Variants in SLC25A33 observed in about 807,000 individuals in gnomAD.
SLC25A33 encodes bone marrow stromal cell mitochondrial carrier protein.
In SLC25A33, 15 loss-of-function variants were observed where a neutral mutation model predicts 35.5. That is an observed-to-expected ratio of 0.42 (90% CI 0.28 to 0.65). The LOEUF is 0.65. SLC25A33 is among the 30% of genes least tolerant of loss of function. The pLI, the probability that SLC25A33 is intolerant of heterozygous loss-of-function variation, is 0.20. For synonymous variants in SLC25A33, 136 were observed against 148.7 expected (o/e 0.91, Z 0.62); for missense variants, 257 against 398.5 (o/e 0.64, Z 3.02).
intron 2 of SLC25A33, among the ~76,000 whole-genome samples, chr1:9,558,991 C>G (rs1643382308): frequency 6.6e-6 from 1 of 152,164 alleles, no homozygotes; most frequent in South Asian, 2.1e-4. Flanking sequence ...CCTATTTTCC[C>G]CTTTGCCTCT....
chr1:9,553,203 G>GTT (rs550067186), intron 1 of SLC25A33, among the ~76,000 whole-genome samples: 1,356 of 56,568 alleles, frequency 0.024, 17 homozygotes, highest in South Asian at 0.042. Context: ...TTCTAGTTTT[G>GTT]TTTTTTTTTT....
At chr1:9,567,449 C>T (rs1049392208) in intron 3 of SLC25A33, 88 bp downstream of exon 3, 1 of 1,230,912 alleles carries the variant, frequency 8.1e-7, no homozygotes. Flanking sequence ...GCTGAATGAC[C>T]AGTGTCTTTT....
At chr1:9,555,282 T>C (rs1643324997) in intron 2 of SLC25A33, among the ~76,000 whole-genome samples, 1 of 151,896 alleles carries the variant, frequency 6.6e-6, no homozygotes, top group Non-Finnish European at 1.5e-5. Context: ...CACACCCAGC[T>C]AATTTTTTTG....
intron 2 of SLC25A33, among the ~76,000 whole-genome samples, chr1:9,561,745 G>A (rs1238283202): frequency 5.3e-5 from 8 of 152,094 alleles, no homozygotes; most frequent in Non-Finnish European, 8.8e-5. Context: ...CCTTAATTGT[G>A]TTTAAATGAC....
intron 2 of SLC25A33, among the ~76,000 whole-genome samples, chr1:9,557,339 G>C (rs1334052772): frequency 6.6e-6 from 1 of 152,124 alleles, no homozygotes; most frequent in Non-Finnish European, 1.5e-5. Context: ...TTTGTAAAGT[G>C]GCACTTTTCA....
intron 1 of SLC25A33, among the ~76,000 whole-genome samples, chr1:9,548,352 C>T (rs146120332): frequency 0.012 from 1,757 of 152,262 alleles, 32 homozygotes; most frequent in African/African-American, 0.039. Flanking sequence ...GAGGCCCAGG[C>T]GGGCGCATCT....
intron 2 of SLC25A33, among the ~76,000 whole-genome samples, chr1:9,561,769 C>T (rs1170796293): frequency 1.3e-5 from 2 of 152,010 alleles, no homozygotes; most frequent in African/African-American, 4.8e-5. Context: ...TGAAGCTGAA[C>T]AGGGTACATT....
chr1:9,571,469 A>C (rs1183428441), intron 4 of SLC25A33, among the ~76,000 whole-genome samples: 2 of 150,718 alleles, frequency 1.3e-5, no homozygotes, highest in Non-Finnish European at 3.0e-5. Context: ...AATTTTTTGT[A>C]TTTTTAGTAG....
intron 1 of SLC25A33, 78 bp from the exon 2 acceptor site, chr1:9,553,546 AAG>A (rs1643299147): frequency 2.6e-6 from 4 of 1,533,702 alleles, no homozygotes; most frequent in African/African-American, 1.4e-5. Context: ...TCTAGTTTTA[AAG>A]AGAGAAAAGC....
At chr1:9,541,975 A>G (rs894906312) in intron 1 of SLC25A33, among the ~76,000 whole-genome samples, 1 of 151,740 alleles carries the variant, frequency 6.6e-6, no homozygotes, top group Non-Finnish European at 1.5e-5. Flanking sequence ...AATTTTGTAT[A>G]TTTTTAGTAG....
chr1:9,539,767 C>G lies in SLC25A33; in HGVS notation c.56+20C>G. ...CGGCGGGTGAGTTCCCGGGCCCAGC[C>G]GCGCGCGCCCCACCGCCTGCGGTCC... On this transcript the variant is annotated intron_variant, in intron 1 of 6. Transcript: ENST00000302692. The G allele has an allele frequency of 7.4e-7, 1 of 1,359,818 alleles. No individual in the cohort carries two copies. The highest frequency in any genetic ancestry group is 1.7e-5 in the South Asian group (1 of 59,338). The allele number at this position is 1,359,818 out of a possible 1,614,324, so 84.2% of individuals were successfully genotyped here.
intron 5 of SLC25A33, among the ~76,000 whole-genome samples, chr1:9,575,974 C>T (rs569655357): frequency 6.6e-6 from 1 of 152,314 alleles, no homozygotes; most frequent in African/African-American, 2.4e-5. Flanking sequence ...ATGCTGTCAC[C>T]TGTTGTGGAA....
chr1:9,552,910 CTTTTTTTTTTTT>C (rs58092940), intron 1 of SLC25A33, among the ~76,000 whole-genome samples: 17 of 94,190 alleles, frequency 1.8e-4, no homozygotes, highest in African/African-American at 6.9e-4. Flanking sequence ...GGGATTTCAA[CTTTTTTTTTTTT>C]TTTTTTTTTT....
At chr1:9,555,409 C>T (rs1424098227) in intron 2 of SLC25A33, among the ~76,000 whole-genome samples, 2 of 152,052 alleles carry the variant, frequency 1.3e-5, no homozygotes, top group Admixed American at 6.6e-5. Context: ...TGAGCCACCG[C>T]ACCCAGCCAC....
rs1643754859 is a variant in SLC25A33, at chr1:9,582,207, C to G, written c.764-92C>G. ...GGGATTACAGGTGTGAGCCACCGCACCCGGCCTAACCTTGACAGTTTTAAA... is the reference window on the plus strand; with the variant it reads ...GGGATTACAGGTGTGAGCCACCGCAGCCGGCCTAACCTTGACAGTTTTAAA... On this transcript the variant is annotated intron_variant, in intron 6 of 6. Transcript: ENST00000302692. The surrounding 1 kb of genome is among the most constrained non-coding windows in gnomAD (Gnocchi z 4.0). 2.1e-6 allele frequency: 3 copies of G among 1,424,834 alleles called. No individual in the cohort carries two copies. In the African/African-American group the frequency reaches 4.2e-5, roughly 20 times the overall value. 88.3% of individuals were successfully genotyped at this position (1,424,834 alleles called of 1,614,324 possible).
intron 2 of SLC25A33, among the ~76,000 whole-genome samples, chr1:9,561,374 A>T (rs1315068088): frequency 6.6e-6 from 1 of 152,106 alleles, no homozygotes; most frequent in African/African-American, 2.4e-5. Context: ...GCATATTATG[A>T]TATAAAACAG....
intron 1 of SLC25A33, among the ~76,000 whole-genome samples, chr1:9,547,441 T>C (rs1643190380): frequency 6.6e-6 from 1 of 150,790 alleles, no homozygotes; most frequent in Non-Finnish European, 1.5e-5. Flanking sequence ...CAAAACTCTG[T>C]CTCAAAAGAG....
rs142866173 is a variant in SLC25A33 at position 9,568,482 on chromosome 1, A to G, written c.314+1121A>G. The stretch of plus-strand genomic sequence containing the variant: ...AAAACAAAACAAAAAAACTTCTTCC[A>G]GAAAGGACCTCCTGAGAAGGGAACT... On this transcript the variant is annotated intron_variant, in intron 3 of 6. Coordinates refer to ENST00000302692, the MANE Select transcript of SLC25A33 (RefSeq NM_032315.3). 8.7e-3 allele frequency among the ~76,000 whole-genome samples: 1,318 copies of G among 152,226 alleles called. 69 individuals carry two copies. Among genetic ancestry groups the G allele is most frequent in the Admixed American group, 0.066 (1,002 of 15,268 alleles).
chr1:9,571,379 C>T (rs550672545), intron 4 of SLC25A33, among the ~76,000 whole-genome samples: 25 of 152,264 alleles, frequency 1.6e-4, no homozygotes, highest in African/African-American at 5.8e-4. Context: ...CTGCAACCTC[C>T]GCCTCCTGGG....
Sources: gnomAD v4.1 joint callset for allele counts (sites outside exome capture counted in the v4.1 genomes callset) on GRCh38, gnomAD v4.1.1 for gene constraint, Gnocchi (gnomAD v3.1) non-coding constraint, MANE v1.5 for transcripts, NCBI Gene and HGNC (gene_info 2026-07-23, HGNC 2026-07-21) for gene names.